NTRK3: variants seen among roughly 807,000 people sequenced by gnomAD.
NTRK3 encodes the protein neurotrophic receptor tyrosine kinase 3, also known as NT-3 growth factor receptor.
In NTRK3, 24 loss-of-function variants were observed where a neutral mutation model predicts 91.7. The ratio of observed to expected loss-of-function variants is 0.26; its 90% CI spans 0.19 to 0.37. NTRK3 has a LOEUF of 0.37. Among genes scored for constraint, NTRK3 ranks in the 10% least tolerant of loss-of-function variants. NTRK3 has a pLI of 1.00. For synonymous variants in NTRK3, 483 were observed against 404.0 expected (o/e 1.20, Z -2.34); for missense variants, 880 against 1,068.9 (o/e 0.82, Z 2.46).
chr15:87,910,536 G>A (rs971455721), intron 17 of NTRK3, among the ~76,000 whole-genome samples: 1 of 152,190 alleles, frequency 6.6e-6, no homozygotes, highest in Non-Finnish European at 1.5e-5. Context: ...TCCAGGGGAG[G>A]CTTACAGATT....
chr15:88,057,200 GA>G (rs1376950902), intron 13 of NTRK3, among the ~76,000 whole-genome samples: 1 of 148,698 alleles, frequency 6.7e-6, no homozygotes, highest in African/African-American at 2.5e-5. Context: ...AAGAAAAAAA[GA>G]AATGTGTCCT....
At chr15:87,961,335 G>C (rs2072266002) in intron 14 of NTRK3, among the ~76,000 whole-genome samples, 1 of 152,166 alleles carries the variant, frequency 6.6e-6, no homozygotes, top group Non-Finnish European at 1.5e-5. Context: ...ACTGTTGACT[G>C]TCATTAAAAG....
At chr15:88,199,489 C>T (rs2048110085) in intron 3 of NTRK3, among the ~76,000 whole-genome samples, 1 of 152,210 alleles carries the variant, frequency 6.6e-6, no homozygotes, top group African/African-American at 2.4e-5. Context: ...GAGCTGTCAG[C>T]TTCACCCTTG....
chr15:87,870,006 A>G (rs1596036426), exon 19 of NTRK3: 1 of 192,942 alleles, frequency 5.2e-6, no homozygotes, highest in Non-Finnish European at 1.1e-5. Context: ...ATGTAAAAGA[A>G]TGTCAGTAAT....
At chr15:88,050,486 CGTGTGT>C (rs55943475) in intron 13 of NTRK3, among the ~76,000 whole-genome samples, 45 of 144,260 alleles carry the variant, frequency 3.1e-4, no homozygotes, top group African/African-American at 7.0e-4. Flanking sequence ...CAATATATAC[CGTGTGT>C]GTGTGTGTGT....
chr15:88,126,125 G>T, intron 13 of NTRK3, 146 bp downstream of exon 13: 1 of 651,804 alleles, frequency 1.5e-6, no homozygotes. Flanking sequence ...AGAACAAGCG[G>T]CAAACAGGAG....
Position 88,241,216 on chromosome 15 carries a change from ACCT to A in NTRK3, c.248+14687_248+14689del, listed in dbSNP as rs2141886127. On this transcript the variant is annotated intron_variant, in intron 3 of 18. Coordinates refer to ENST00000394480, the Ensembl canonical transcript of NTRK3. This position sits in a 1 kb window ranked among gnomAD's most constrained non-coding sequence, Gnocchi z 4.3. The stretch of plus-strand genomic sequence containing the variant: ...CTGTGCCGCCCTCTTCTGTTCAGTG[ACCT>A]CCTGGGCAGGTAAGAACATAGAGGG... 1.3e-5 allele frequency among the ~76,000 whole-genome samples: 2 copies of A among 152,072 alleles called. No homozygotes were observed. Among genetic ancestry groups the A allele is most frequent in the South Asian group, 4.2e-4 (2 of 4,818 alleles).
chr15:88,137,651 T>A, intron 6 of NTRK3, 90 bp from the exon 7 acceptor site: 1 of 1,330,776 alleles, frequency 7.5e-7, no homozygotes, highest in Non-Finnish European at 1.1e-6. Flanking sequence ...GGACCCGACC[T>A]GTTCAGGGAT....
At chr15:88,047,553 T>G (rs2080341122) in intron 13 of NTRK3, among the ~76,000 whole-genome samples, 1 of 152,198 alleles carries the variant, frequency 6.6e-6, no homozygotes. Flanking sequence ...CAGGTTATAT[T>G]ATTAAACTAG....
At chr15:88,248,694 A>G (rs1209099919) in intron 3 of NTRK3, among the ~76,000 whole-genome samples, 2 of 152,166 alleles carry the variant, frequency 1.3e-5, no homozygotes, top group African/African-American at 2.4e-5. Flanking sequence ...CAGTTTCCCC[A>G]TCTGGAAAAT....
At chr15:87,934,590 G>A (rs3784435) in intron 15 of NTRK3, among the ~76,000 whole-genome samples, 1 of 151,910 alleles carries the variant, frequency 6.6e-6, no homozygotes, top group Non-Finnish European at 1.5e-5. Flanking sequence ...AGGTGTATCT[G>A]GGGGGGTCCA....
At chr15:88,117,252 C>G (rs961150340) in intron 13 of NTRK3, among the ~76,000 whole-genome samples, 3 of 152,194 alleles carry the variant, frequency 2.0e-5, no homozygotes, top group African/African-American at 7.2e-5. Flanking sequence ...TTTAACCATT[C>G]TGAGCAGTTT....
chr15:88,128,916 G>A (rs534853147), intron 10 of NTRK3, among the ~76,000 whole-genome samples, 182 bp from the exon 11 acceptor site: 1 of 152,300 alleles, frequency 6.6e-6, no homozygotes, highest in Admixed American at 6.5e-5. Flanking sequence ...AGTTTAGGGG[G>A]TGGTCCTCCA....
At chr15:88,162,210 C>G (rs147001756) in intron 5 of NTRK3, among the ~76,000 whole-genome samples, 4 of 152,292 alleles carry the variant, frequency 2.6e-5, no homozygotes, top group African/African-American at 9.6e-5. Flanking sequence ...CACATTTTAG[C>G]TAGACAACTC....
chr15:88,071,379 G>A (rs1050021567), intron 13 of NTRK3, among the ~76,000 whole-genome samples: 2 of 152,258 alleles, frequency 1.3e-5, no homozygotes, highest in Non-Finnish European at 2.9e-5. Context: ...ATTTCAACCT[G>A]TCACTTCTGT....
intron 13 of NTRK3, among the ~76,000 whole-genome samples, chr15:88,033,715 C>T (rs2078813449): frequency 6.6e-6 from 1 of 152,106 alleles, no homozygotes; most frequent in South Asian, 2.1e-4. Flanking sequence ...GAATTACTCA[C>T]CTATCAAACC....
intron 5 of NTRK3, among the ~76,000 whole-genome samples, chr15:88,158,542 C>T (rs535487288): frequency 1.3e-5 from 2 of 152,364 alleles, no homozygotes; most frequent in East Asian, 3.9e-4. Flanking sequence ...CGCTGCAGCA[C>T]AAGGCCACCA....
chr15:88,201,910 T>C (rs1406483189), intron 3 of NTRK3, among the ~76,000 whole-genome samples: 1 of 152,182 alleles, frequency 6.6e-6, no homozygotes, highest in Admixed American at 6.5e-5. Context: ...ATAACAACTT[T>C]ATAAAATACA....
chr15:88,044,125 T>C (rs1437875425), intron 13 of NTRK3, among the ~76,000 whole-genome samples: 1 of 152,116 alleles, frequency 6.6e-6, no homozygotes, highest in Non-Finnish European at 1.5e-5. Flanking sequence ...TGTGATCCTG[T>C]CCAACGCTCA....
Sources: allele counts gnomAD v4.1 joint callset (sites outside exome capture counted in the v4.1 genomes callset), GRCh38; gene constraint gnomAD v4.1.1; non-coding constraint Gnocchi (gnomAD v3.1); transcripts MANE v1.5; gene names NCBI Gene and HGNC (gene_info 2026-07-23, HGNC 2026-07-21).